Variants in TRHDE observed in about 807,000 individuals in gnomAD.
TRHDE encodes thyrotropin releasing hormone degrading enzyme.
In TRHDE, 72 loss-of-function variants were observed where a neutral mutation model predicts 125.7. The observed-to-expected ratio is 0.57, with a 90% CI of 0.47 to 0.70. TRHDE has a LOEUF of 0.70. Among genes scored for constraint, TRHDE ranks in the 30% least tolerant of loss-of-function variants. The pLI, the probability that TRHDE is intolerant of heterozygous loss-of-function variation, is 0.00. For missense variants in TRHDE, 1,110 were observed against 1,327.1 expected, an observed-to-expected ratio of 0.84 and a Z score of 2.54; for synonymous variants, 509 against 509.1, an observed-to-expected ratio of 1.00 and a Z score of 0.00.
chr12:72,302,607 G>T (rs1868278627), intron 2 of TRHDE, among the ~76,000 whole-genome samples: 1 of 152,100 alleles, frequency 6.6e-6, no homozygotes, highest in African/African-American at 2.4e-5. Context: ...TGCTGGAGCT[G>T]GGCTTAAGCT....
intron 3 of TRHDE, among the ~76,000 whole-genome samples, chr12:72,458,575 T>C (rs1181307174): frequency 6.6e-6 from 1 of 152,050 alleles, no homozygotes; most frequent in African/African-American, 2.4e-5. Flanking sequence ...GACCCCAGCC[T>C]CTCCCCAATG....
chr12:72,620,970 TTACTG>T, intron 13 of TRHDE, 133 bp from the exon 14 acceptor site: 2 of 484,800 alleles, frequency 4.1e-6, no homozygotes, highest in South Asian at 3.1e-5. Context: ...TAATAGAACA[TTACTG>T]TACTTATAAT....
At chr12:72,355,863 A>G (rs904183834) in intron 2 of TRHDE, among the ~76,000 whole-genome samples, 1 of 151,844 alleles carries the variant, frequency 6.6e-6, no homozygotes, top group African/African-American at 2.4e-5. Flanking sequence ...ACCATCTCAC[A>G]CCAGCCAGAA....
intron 2 of TRHDE, among the ~76,000 whole-genome samples, chr12:72,131,362 G>A (rs987568557): frequency 6.6e-6 from 1 of 151,768 alleles, no homozygotes; most frequent in Non-Finnish European, 1.5e-5. Context: ...GTGAGCCACC[G>A]CGCCCGGCCT....
intron 1 of TRHDE, among the ~76,000 whole-genome samples, chr12:72,101,609 G>A (rs1484620754): frequency 6.6e-6 from 1 of 152,150 alleles, no homozygotes; most frequent in African/African-American, 2.4e-5. Context: ...ATACAATATA[G>A]ATTTTCCTGG....
At chr12:72,518,114 A>G (rs939476110) in intron 6 of TRHDE, among the ~76,000 whole-genome samples, 5 of 150,452 alleles carry the variant, frequency 3.3e-5, no homozygotes, top group Non-Finnish European at 4.4e-5. Context: ...AAAAAAATGT[A>G]TATTCTGTTG....
chr12:72,518,880 T>A (rs1431668835), intron 6 of TRHDE, among the ~76,000 whole-genome samples: 1 of 151,952 alleles, frequency 6.6e-6, no homozygotes, highest in East Asian at 1.9e-4. Flanking sequence ...GTCTGTAAAG[T>A]ATTTTATTTC....
At chr12:72,452,747 T>G (rs1284002495) in intron 3 of TRHDE, among the ~76,000 whole-genome samples, 2 of 151,910 alleles carry the variant, frequency 1.3e-5, no homozygotes, top group Non-Finnish European at 2.9e-5. Context: ...CAATAGTGAG[T>G]TCCCATGAGA....
At chr12:72,497,945 T>C (rs1386695027) in intron 5 of TRHDE, among the ~76,000 whole-genome samples, 1 of 150,174 alleles carries the variant, frequency 6.7e-6, no homozygotes, top group Non-Finnish European at 1.5e-5. Context: ...ATATAGTATT[T>C]ATGTCATATT....
chr12:72,115,574 A>T (rs1196228202), intron 2 of TRHDE, among the ~76,000 whole-genome samples: 1 of 152,092 alleles, frequency 6.6e-6, no homozygotes, highest in Non-Finnish European at 1.5e-5. Context: ...TAACAGTGAG[A>T]TTGCCGAATC....
At chr12:72,482,872 T>C (rs1253694195) in intron 5 of TRHDE, among the ~76,000 whole-genome samples, 1 of 151,930 alleles carries the variant, frequency 6.6e-6, no homozygotes, top group East Asian at 1.9e-4. Flanking sequence ...AAAAAATCTA[T>C]AAACAAATTT....
chr12:72,463,384 G>A (rs1876217869), intron 3 of TRHDE, among the ~76,000 whole-genome samples: 1 of 152,168 alleles, frequency 6.6e-6, no homozygotes, highest in Admixed American at 6.5e-5. Context: ...GACAAATCTA[G>A]AATGAACTGA....
At chr12:72,210,092 T>C (rs1314421499) in intron 2 of TRHDE, among the ~76,000 whole-genome samples, 5 of 152,182 alleles carry the variant, frequency 3.3e-5, no homozygotes, top group African/African-American at 1.2e-4. Context: ...CCTTAACTAT[T>C]TAAAGTTTCA....
intron 2 of TRHDE, among the ~76,000 whole-genome samples, chr12:72,343,283 C>A (rs1260198891): frequency 4.6e-5 from 7 of 151,944 alleles, no homozygotes; most frequent in Admixed American, 4.6e-4. Context: ...ATACTCAACT[C>A]CACACATACT....
At chr12:72,528,304 C>T (rs938415084) in intron 6 of TRHDE, among the ~76,000 whole-genome samples, 1 of 152,132 alleles carries the variant, frequency 6.6e-6, no homozygotes, top group African/African-American at 2.4e-5. Context: ...TTTCTTAATA[C>T]TCTAGATTTC....
chr12:72,173,729 A>G (rs1876927711), intron 2 of TRHDE, among the ~76,000 whole-genome samples: 2 of 152,314 alleles, frequency 1.3e-5, no homozygotes, highest in Non-Finnish European at 2.9e-5. Context: ...TCCTTCATGT[A>G]GATTGAGCAG....
intron 3 of TRHDE, among the ~76,000 whole-genome samples, chr12:72,433,762 T>A (rs1428065931): frequency 2.0e-5 from 3 of 149,742 alleles, no homozygotes; most frequent in Non-Finnish European, 4.4e-5. Flanking sequence ...TTTTTTTTTC[T>A]TGAGACATAC....
At chr12:72,363,154 G>T (rs1346200695) in intron 2 of TRHDE, among the ~76,000 whole-genome samples, 1 of 151,788 alleles carries the variant, frequency 6.6e-6, no homozygotes, top group Non-Finnish European at 1.5e-5. Flanking sequence ...ATTATCTTGG[G>T]CAGTATGGAT....
intron 3 of TRHDE, among the ~76,000 whole-genome samples, chr12:72,467,499 T>C (rs906623305): frequency 1.3e-5 from 2 of 152,168 alleles, no homozygotes; most frequent in African/African-American, 2.4e-5. Flanking sequence ...ATATTTGACT[T>C]ATTTTAATAT....
Sources: gnomAD v4.1 joint callset for allele counts (sites outside exome capture counted in the v4.1 genomes callset) on GRCh38, gnomAD v4.1.1 for gene constraint, MANE v1.5 for transcripts, NCBI Gene and HGNC (gene_info 2026-07-23, HGNC 2026-07-21) for gene names.